Variants in AGL observed in about 807,000 individuals in gnomAD.
AGL encodes amylo-alpha-1,6-glucosidase and 4-alpha-glucanotransferase.
A neutral mutation model predicts 199.3 loss-of-function variants in AGL; 128 were observed. That is an observed-to-expected ratio of 0.64 (90% CI 0.56 to 0.74). The LOEUF is 0.74. AGL is among the 30% of genes least tolerant of loss of function. The probability of loss-of-function intolerance (pLI) is 0.00; values close to 1 mark genes in which losing one functional copy is unlikely to be tolerated. For synonymous variants in AGL, 584 were observed against 594.7 expected, an observed-to-expected ratio of 0.98 and a Z score of 0.26; for missense variants, 1,809 against 1,820.8, an observed-to-expected ratio of 0.99 and a Z score of 0.12.
Position 99,903,021 on chromosome 1 carries a change from A to G in AGL, c.3700+227A>G, listed in dbSNP as rs61811156. On this transcript the variant is annotated intron_variant, in intron 27 of 33. Coordinates refer to ENST00000361915, the MANE Select transcript of AGL (RefSeq NM_000642.3). The stretch of plus-strand genomic sequence containing the variant: ...AATTTTGGTGGTTTCATTTATAACT[A>G]TAATAATCGCCATGAACTGCATGCT... Among the ~76,000 whole-genome samples the G allele has an allele frequency of 1.6e-3, 243 of 152,348 alleles. 1 individual carries two copies. Among genetic ancestry groups the G allele is most frequent in the Non-Finnish European group, 2.8e-3 (190 of 68,036 alleles).
Position 99,891,243 on chromosome 1 carries a change from A to G in AGL, c.2836A>G (p.Ile946Val), listed in dbSNP as rs374861679. ...AGGTTTAATGTCTGTATTGGCAGAAATAAGACCAAAGAATGACTTGGGGCA... is the reference window on the plus strand; with the variant it reads ...AGGTTTAATGTCTGTATTGGCAGAAGTAAGACCAAAGAATGACTTGGGGCA... ...LQGLMSVLAE[I>V]RPKNDLGHPF... The change falls in exon 22 of 34, where the codon ATA becomes GTA. Residue 946 changes from isoleucine (I) to valine (V), a missense_variant. Ile to Val is a conservative substitution (Grantham distance 29, BLOSUM62 3). Coordinates refer to ENST00000361915, the MANE Select transcript of AGL (RefSeq NM_000642.3). 1.2e-6 allele frequency: 2 copies of G among 1,613,696 alleles called. No individual in the cohort carries two copies. Among genetic ancestry groups the G allele is most frequent in the South Asian group, 1.1e-5 (1 of 91,070 alleles).
Position 99,880,062 on chromosome 1 carries a change from T to G in AGL, c.1735+16T>G, listed in dbSNP as rs1232769326. ...TTAATAAGAGGTAGGCTTGTTGGAG[T>G]GTATTTCCCTCTAAAACTTTAGCTT... is the stretch of plus-strand genomic sequence containing the variant. On this transcript the variant is annotated intron_variant, in intron 13 of 33. Transcript: ENST00000361915. 6.2e-7 allele frequency: 1 copy of G among 1,612,976 alleles called. No individual in the cohort carries two copies. Among genetic ancestry groups the G allele is most frequent in the Non-Finnish European group, 8.5e-7 (1 of 1,179,376 alleles).
At chr1:99,870,095 C>T (rs939427322) in intron 5 of AGL, among the ~76,000 whole-genome samples, 13 of 152,084 alleles carry the variant, frequency 8.5e-5, no homozygotes, top group Middle Eastern at 3.4e-3. Context: ...ATCAAAACAA[C>T]GTATTTCATT....
At chr1:99,905,581 T>A (rs750528622) in intron 27 of AGL, among the ~76,000 whole-genome samples, 1 of 152,128 alleles carries the variant, frequency 6.6e-6, no homozygotes, top group Non-Finnish European at 1.5e-5. Flanking sequence ...GTCTCTTTCT[T>A]TATTATTTTT....
At chr1:99,870,043 T>G (rs990440168) in intron 5 of AGL, among the ~76,000 whole-genome samples, 18 of 152,218 alleles carry the variant, frequency 1.2e-4, no homozygotes, top group African/African-American at 4.3e-4. Flanking sequence ...TCCTTGAGCG[T>G]ATTTATTTTA....
chr1:99,875,811 A>T (rs1049579204), intron 10 of AGL, among the ~76,000 whole-genome samples: 3 of 145,750 alleles, frequency 2.1e-5, no homozygotes, highest in African/African-American at 7.5e-5. Flanking sequence ...AAGCCTTTGC[A>T]TATCTTTACT....
At chr1:99,895,135 G>A (rs530902665) in intron 24 of AGL, among the ~76,000 whole-genome samples, 19 of 151,968 alleles carry the variant, frequency 1.3e-4, no homozygotes, top group African/African-American at 4.3e-4. Context: ...TGCAACCTCC[G>A]CTTCCTGGGT....
chr1:99,910,939 T>C (rs1489430500), intron 28 of AGL, 92 bp downstream of exon 28: 11 of 1,368,872 alleles, frequency 8.0e-6, no homozygotes, highest in Non-Finnish European at 1.0e-5. Context: ...TATGAACTCT[T>C]TACATTAAGT....
At chr1:99,891,794 G>A in intron 23 of AGL, 55 bp downstream of exon 23, 1 of 1,601,104 alleles carries the variant, frequency 6.2e-7, no homozygotes, top group Non-Finnish European at 8.6e-7. Flanking sequence ...ACTATATACA[G>A]AGTCACTTCA....
At chr1:99,861,311 C>T (rs887883531) in intron 2 of AGL, 192 bp from the exon 3 acceptor site, 1 of 1,456,518 alleles carries the variant, frequency 6.9e-7, no homozygotes, top group African/African-American at 1.4e-5. Context: ...ATGATGTTTA[C>T]TATACTTGCT....
intron 33 of AGL, among the ~76,000 whole-genome samples, chr1:99,920,687 A>G (rs1434184386): frequency 6.6e-6 from 1 of 152,154 alleles, no homozygotes; most frequent in African/African-American, 2.4e-5. Flanking sequence ...CATTTTTACT[A>G]TGAAGTATTT....
At chr1:99,868,502 C>T (rs996276742) in intron 5 of AGL, among the ~76,000 whole-genome samples, 3 of 152,080 alleles carry the variant, frequency 2.0e-5, no homozygotes, top group Non-Finnish European at 4.4e-5. Flanking sequence ...ATCCCAGCTA[C>T]TCCAGAGGCT....
At chr1:99,884,912 T>C (rs772488655) in intron 20 of AGL, among the ~76,000 whole-genome samples, 99 of 152,344 alleles carry the variant, frequency 6.5e-4, no homozygotes, top group Non-Finnish European at 1.1e-3. Flanking sequence ...TCTATAGATA[T>C]AGATACACAC....
At chr1:99,876,391 T>C in intron 10 of AGL, 67 bp from the exon 11 acceptor site, 1 of 1,232,414 alleles carries the variant, frequency 8.1e-7, no homozygotes, top group Non-Finnish European at 1.1e-6. Context: ...AGTTTTAATA[T>C]TGCAAATTTA....
chr1:99,900,842 C>T lies in AGL; in HGVS notation c.3569C>T (p.Pro1190Leu). Residue 1190 changes from proline (P) to leucine (L), a missense_variant, in exon 26 of 34, where the codon CCT becomes CTT. By Grantham distance (98) the Pro-to-Leu change is moderately conservative. Coordinates refer to ENST00000361915, the MANE Select transcript of AGL (RefSeq NM_000642.3). ...ATGTATCCTACAGATGATTCTGCTC[C>T]TTTGCCTGCTGGCACACTGGTAAAG... ...SRMYPTDDSAPLPAGTLDQPL... is the reference protein window; with the variant it reads ...SRMYPTDDSALLPAGTLDQPL... The T allele has an allele frequency of 6.2e-7, 1 of 1,610,968 alleles. No homozygotes were observed. Among genetic ancestry groups the T allele is most frequent in the East Asian group, 2.2e-5 (1 of 44,820 alleles).
chr1:99,858,145 T>G (rs1649727897), intron 2 of AGL, among the ~76,000 whole-genome samples: 1 of 152,200 alleles, frequency 6.6e-6, no homozygotes, highest in African/African-American at 2.4e-5. Flanking sequence ...AGTCTCTATA[T>G]TACTTTGTAA....
intron 27 of AGL, among the ~76,000 whole-genome samples, chr1:99,905,433 A>G (rs2100833087): frequency 6.6e-6 from 1 of 152,166 alleles, no homozygotes. Context: ...AGGCTTCGCC[A>G]TGTTTTGGCC....
chr1:99,878,002 AGTT>A (rs1473246444), intron 12 of AGL, among the ~76,000 whole-genome samples, 174 bp downstream of exon 12: 6 of 152,212 alleles, frequency 3.9e-5, no homozygotes, highest in Admixed American at 1.3e-4. Flanking sequence ...AATCTTTTGC[AGTT>A]GTTATGGAAT....
At chr1:99,894,712 T>A (rs1653168191) in intron 24 of AGL, among the ~76,000 whole-genome samples, 1 of 152,212 alleles carries the variant, frequency 6.6e-6, no homozygotes, top group African/African-American at 2.4e-5. Flanking sequence ...CACTCAGGAA[T>A]TGCCAAAACT....
Sources: gnomAD v4.1 joint callset for allele counts (sites outside exome capture counted in the v4.1 genomes callset) on GRCh38, gnomAD v4.1.1 for gene constraint, MANE v1.5 for transcripts, NCBI Gene and HGNC (gene_info 2026-07-23, HGNC 2026-07-21) for gene names.